Variants in PLCB3 observed in about 807,000 individuals in gnomAD.
PLCB3 encodes 1-phosphatidylinositol 4,5-bisphosphate phosphodiesterase beta-3.
Under a neutral mutation model 152.1 loss-of-function variants are expected in PLCB3, and 54 were observed. The ratio of observed to expected loss-of-function variants is 0.36; its 90% CI spans 0.29 to 0.45. The LOEUF is 0.45. PLCB3 is among the 20% of genes least tolerant of loss of function. The pLI is 1.00. For missense variants in PLCB3, 1,248 were observed against 1,687.5 expected (o/e 0.74, Z 4.56); for synonymous variants, 717 against 698.7 (o/e 1.03, Z -0.41).
At chr11:64,257,704 A>G (rs910644579) in intron 10 of PLCB3, among the ~76,000 whole-genome samples, 2 of 152,046 alleles carry the variant, frequency 1.3e-5, no homozygotes, top group African/African-American at 4.8e-5. Context: ...GGTGCCTGCT[A>G]AGAGAGGGAG....
At position 64,265,881 on chromosome 11, in the gene PLCB3, C is replaced by T. The variant is rs749428435; in HGVS notation, c.3036-5C>T. ...AGGCATCACCCAGAGGGGTTCTCCT[C>T]GCAGAGGTGGGGCCGCTGATGTGGA... is the stretch of plus-strand genomic sequence containing the variant. On this transcript the variant is annotated splice_polypyrimidine_tract_variant and splice_region_variant and intron_variant, in intron 25 of 30. Transcript: ENST00000279230. The T allele has an allele frequency of 6.2e-6, 10 of 1,611,692 alleles. No individual in the cohort carries two copies. The highest frequency in any genetic ancestry group is 1.1e-5 in the South Asian group (1 of 90,856).
intron 1 of PLCB3, among the ~76,000 whole-genome samples, chr11:64,253,376 T>C (rs1268217263): frequency 2.6e-5 from 4 of 152,196 alleles, no homozygotes; most frequent in Non-Finnish European, 4.4e-5. Flanking sequence ...ACATGCCTCT[T>C]AGGCTGGTTA....
chr11:64,256,866 A>G (rs1468584358), intron 10 of PLCB3, 102 bp downstream of exon 10: 1 of 1,306,030 alleles, frequency 7.7e-7, no homozygotes, highest in Non-Finnish European at 1.1e-6. Context: ...TTGCTCATTC[A>G]TTGGCCAGTG....
At position 64,265,000 on chromosome 11, in the gene PLCB3, G is replaced by C. The variant is rs776569909; in HGVS notation, c.2702G>C (p.Gly901Ala). ...TCQDTQSQQL[G>A]SQPSSNPTPS... ...CAGGACACCCAGTCTCAGCAGCTGGGGTCTCAGCCGTCCTCAAACCCCACC... is the reference window on the plus strand; with the variant it reads ...CAGGACACCCAGTCTCAGCAGCTGGCGTCTCAGCCGTCCTCAAACCCCACC... Residue 901 changes from glycine to alanine, a missense_variant, in exon 23 of 31, where the codon GGG becomes GCG. Physicochemically the swap from Gly to Ala is moderately conservative, Grantham distance 60. Transcript: ENST00000279230. 1 of 1,611,422 alleles carries C rather than the reference G, an allele frequency of 6.2e-7. No homozygotes were observed. Among genetic ancestry groups the C allele is most frequent in the Admixed American group, 1.7e-5 (1 of 59,984 alleles).
intron 22 of PLCB3, 74 bp downstream of exon 22, chr11:64,264,186 TGAG>T: frequency 1.0e-6 from 1 of 1,000,576 alleles, no homozygotes; most frequent in Non-Finnish European, 1.5e-6. Flanking sequence ...TGTGGCCACA[TGAG>T]GAGGGGGCTT....
In PLCB3 at chr11:64,265,340, G is replaced by C. The variant is rs960193376; in HGVS notation, c.2873G>C (p.Arg958Pro). 1 of 1,606,170 alleles carries C rather than the reference G, an allele frequency of 6.2e-7. No homozygotes were observed. Among genetic ancestry groups the C allele is most frequent in the East Asian group, 2.2e-5 (1 of 44,482 alleles). Residue 958 changes from arginine to proline, a missense_variant, in exon 25 of 31, where the codon CGA becomes CCA. By Grantham distance (103) the Arg-to-Pro change is moderately radical (BLOSUM62 -2). Coordinates refer to ENST00000279230, the MANE Select transcript of PLCB3 (RefSeq NM_000932.5). The part of the protein sequence containing the change: ...EVAPTPLDEL[R>P]GHKALVKLRS... The stretch of plus-strand genomic sequence containing the variant: ...GCCCCCACCCCGCTGGATGAGCTCC[G>C]AGGTCACAAGGCTCTGGTCAAGCTC...
chr11:64,262,366 C>T, intron 17 of PLCB3, 41 bp from the exon 18 acceptor site: 1 of 1,603,832 alleles, frequency 6.2e-7, no homozygotes, highest in Non-Finnish European at 8.5e-7. Flanking sequence ...CACCGTCCTG[C>T]CTGATCCCTG....
rs777872410 is a variant in PLCB3 at position 64,254,943 on chromosome 11, C to A, written c.292C>A (p.Arg98=). ...TCTGGGCTTTGGGGGTCCCGATGCC[C>A]GGCTGGAGGAGAAGCTGATGACGGT... ...EVLGFGGPDA[R]LEEKLMTVVS... is the part of the protein sequence containing the mutation. The change falls in exon 4 of 31, where the codon CGG becomes AGG. Residue 98 remains arginine, a synonymous_variant. Transcript: ENST00000279230. 3 of 1,602,266 alleles carry A rather than the reference C, an allele frequency of 1.9e-6. No individual in the cohort carries two copies. Among genetic ancestry groups the A allele is most frequent in the Admixed American group, 1.7e-5 (1 of 59,076 alleles).
chr11:64,256,397 CCTGACG>C lies in PLCB3; in HGVS notation c.724_729del (p.Thr242_Leu243del). 1 of 1,613,616 alleles carries C rather than the reference CCTGACG, an allele frequency of 6.2e-7. No homozygotes were observed. The highest frequency in any genetic ancestry group is 8.5e-7 in the Non-Finnish European group (1 of 1,180,008). On this transcript the variant is annotated inframe_deletion, in exon 9 of 31. Coordinates refer to ENST00000279230, the MANE Select transcript of PLCB3 (RefSeq NM_000932.5). ...CCAGAGGCGCCAAGGGCAAGCCATACCTGACGCTGGAGCAGCTCATGGACTTCATCA... is the reference window on the plus strand; with the variant it reads ...CCAGAGGCGCCAAGGGCAAGCCATACCTGGAGCAGCTCATGGACTTCATCA...
intron 14 of PLCB3, among the ~76,000 whole-genome samples, chr11:64,261,173 C>T (rs969393519): frequency 1.3e-5 from 2 of 152,140 alleles, no homozygotes; most frequent in Non-Finnish European, 2.9e-5. Flanking sequence ...GGCAAGGTGG[C>T]GGGCGCCTGT....
intron 1 of PLCB3, among the ~76,000 whole-genome samples, chr11:64,252,803 G>C (rs2532597): frequency 6.6e-6 from 1 of 152,056 alleles, no homozygotes; most frequent in Non-Finnish European, 1.5e-5. Flanking sequence ...CAGGGAGAGG[G>C]CCCTGGGGGT....
Position 64,259,186 on chromosome 11 carries a change from G to C in PLCB3, c.1467G>C (p.Gln489His). The C allele has an allele frequency of 6.3e-7, 1 of 1,596,552 alleles. No individual in the cohort carries two copies. The highest frequency in any genetic ancestry group is 8.5e-7 in the Non-Finnish European group (1 of 1,172,414). Residue 489 changes from glutamine to histidine, a missense_variant, in exon 13 of 31, where the codon CAG becomes CAC. By Grantham distance (24) the Gln-to-His change is conservative (BLOSUM62 0). Transcript: ENST00000279230. ...DSAGRKRPLE[Q>H]SNSALSESSA... ...CCGGGCGCAAGCGGCCCCTGGAGCA[G>C]AGCAATTCTGCCCTGAGCGAGAGCT...
intron 25 of PLCB3, 146 bp from the exon 26 acceptor site, chr11:64,265,740 C>A: frequency 8.1e-7 from 1 of 1,241,288 alleles, no homozygotes; most frequent in South Asian, 1.5e-5. Context: ...TTGGGTGGAG[C>A]TAACAGGCCT....
rs367588646 is a variant in PLCB3, at chr11:64,264,120, G to A, written c.2652+8G>A. 914 of 1,520,502 alleles carry A rather than the reference G, an allele frequency of 6.0e-4. No individual in the cohort carries two copies. Among genetic ancestry groups the A allele is most frequent in the Non-Finnish European group, 7.7e-4 (870 of 1,134,402 alleles). 94.2% of individuals were successfully genotyped at this position (1,520,502 alleles called of 1,614,324 possible). ...CTCATTGGGGAGAGTGAGGTGAGCC[G>A]GGGCAGGGCAGGGCTCAGGCTCACT... On this transcript the variant is annotated splice_region_variant and intron_variant, in intron 22 of 30. Coordinates refer to ENST00000279230, the MANE Select transcript of PLCB3 (RefSeq NM_000932.5).
chr11:64,260,437 G>A (rs1210024559), intron 14 of PLCB3, among the ~76,000 whole-genome samples: 2 of 152,048 alleles, frequency 1.3e-5, no homozygotes, highest in Admixed American at 6.5e-5. Flanking sequence ...TGGGAGGTGC[G>A]AGTTAGGGTA....
In PLCB3 at chr11:64,262,745, C is replaced by A; in HGVS notation, c.2292C>A (p.Thr764=). The A allele has an allele frequency of 6.2e-7, 1 of 1,613,848 alleles. No individual in the cohort carries two copies. The highest frequency in any genetic ancestry group is 8.5e-7 in the Non-Finnish European group (1 of 1,180,014). ...TTGATACGCGGCGCAAGTACCGCACCCGGACCTCTCAGGGGAACTCGTTCA... is the reference window on the plus strand; with the variant it reads ...TTGATACGCGGCGCAAGTACCGCACACGGACCTCTCAGGGGAACTCGTTCA... ...LPVDTRRKYR[T]RTSQGNSFNP... Residue 764 remains threonine, a synonymous_variant, in exon 19 of 31, where the codon ACC becomes ACA. Coordinates refer to ENST00000279230, the MANE Select transcript of PLCB3 (RefSeq NM_000932.5).
At chr11:64,256,905 C>T in intron 10 of PLCB3, 141 bp downstream of exon 10, 1 of 895,592 alleles carries the variant, frequency 1.1e-6, no homozygotes, top group Non-Finnish European at 1.7e-6. Flanking sequence ...AACAGGCAGC[C>T]AGCCCTGAGC....
At position 64,255,091 on chromosome 11, in the gene PLCB3, CG is replaced by C; in HGVS notation, c.387+55del. ...GGAGTCACTGTCTTATTCTGTGAGT[CG>C]GCCGTCACTTACCGAACACCTGCTG... is the stretch of plus-strand genomic sequence containing the variant. On this transcript the variant is annotated intron_variant, in intron 4 of 30. Transcript: ENST00000279230. This position sits in a 1 kb window ranked among gnomAD's most constrained non-coding sequence, Gnocchi z 6.8. 6.4e-7 allele frequency: 1 copy of C among 1,570,364 alleles called. No homozygotes were observed. The highest frequency in any genetic ancestry group is 8.7e-7 in the Non-Finnish European group (1 of 1,148,796).
chr11:64,254,649 C>G, intron 2 of PLCB3, 99 bp from the exon 3 acceptor site: 1 of 1,426,038 alleles, frequency 7.0e-7, no homozygotes, highest in Non-Finnish European at 9.9e-7. Flanking sequence ...GGGCTATAGC[C>G]AGGGGCTGGC....
Sources: gnomAD v4.1 joint callset for allele counts (sites outside exome capture counted in the v4.1 genomes callset) on GRCh38, gnomAD v4.1.1 for gene constraint, Gnocchi (gnomAD v3.1) non-coding constraint, MANE v1.5 for transcripts, NCBI Gene and HGNC (gene_info 2026-07-23, HGNC 2026-07-21) for gene names.